PAQR5: variants seen among roughly 807,000 people sequenced by gnomAD.
PAQR5 encodes the protein membrane progestin receptor gamma.
In PAQR5, 20 loss-of-function variants were observed where a neutral mutation model predicts 34.5. The ratio of observed to expected loss-of-function variants is 0.58; its 90% confidence interval spans 0.41 to 0.84. PAQR5 has a LOEUF of 0.84. PAQR5 is among the 40% of genes least tolerant of loss of function. The pLI is 0.00. For missense variants in PAQR5, 378 were observed against 412.7 expected, an observed-to-expected ratio of 0.92 and a Z score of 0.73; for synonymous variants, 131 against 155.6, an observed-to-expected ratio of 0.84 and a Z score of 1.18.
At chr15:69,300,629 C>CT (rs1172669105) in intron 1 of PAQR5, among the ~76,000 whole-genome samples, 1 of 48,574 alleles carries the variant, frequency 2.1e-5, no homozygotes, top group African/African-American at 6.3e-5. Context: ...TTCTTTCTTT[C>CT]TTTCTTTCTT....
At chr15:69,397,613 T>C in intron 7 of PAQR5, 49 bp downstream of exon 7, 1 of 1,229,652 alleles carries the variant, frequency 8.1e-7, no homozygotes, top group Non-Finnish European at 1.2e-6. Context: ...CACCAGGAAG[T>C]CAGTTGTTTT....
chr15:69,397,362 T>C (rs2056472886), intron 6 of PAQR5, 106 bp from the exon 7 acceptor site: 1 of 798,076 alleles, frequency 1.3e-6, no homozygotes, highest in African/African-American at 1.7e-5. Flanking sequence ...AGAAAAATGC[T>C]TGTCCTCTGT....
chr15:69,390,344 A>ATTTTT lies in PAQR5; in HGVS notation c.512+567_512+568insTTTTT, dbSNP rs201375546. Among the ~76,000 whole-genome samples the ATTTTT allele has an allele frequency of 1.3e-3, 149 of 119,030 alleles. 1 individual carries two copies. The highest frequency in any genetic ancestry group is 2.0e-3 in the Non-Finnish European group (106 of 53,308). The allele number at this position is 119,030 out of a possible 152,430, so 78.1% of individuals were successfully genotyped here. A position where few individuals can be genotyped will look rare whatever the true frequency, so the allele number is the denominator to read the frequency against. Reference sequence around the variant, plus strand: ...TTTTTATTTATTTATTTATTTATTTATTTATTTATTTATTTATTTTTTTGA... The same window carrying ATTTTT: ...TTTTTATTTATTTATTTATTTATTTATTTTTTTTATTTATTTATTTATTTTTTTGA... On this transcript the variant is annotated intron_variant, in intron 6 of 8. Transcript: ENST00000395407.
At chr15:69,341,353 C>CCTT (rs1555416070) in intron 2 of PAQR5, among the ~76,000 whole-genome samples, 11 of 117,716 alleles carry the variant, frequency 9.3e-5, no homozygotes, top group African/African-American at 3.5e-4. Context: ...AATTCTATTC[C>CCTT]TTTTTTTTTT....
At chr15:69,337,282 T>A (rs1441840669) in intron 1 of PAQR5, 59 bp from the exon 2 acceptor site, 1 of 152,274 alleles carries the variant, frequency 6.6e-6, no homozygotes, top group African/African-American at 2.4e-5. Context: ...GTATTCTCAA[T>A]TTATGGCAGT....
intron 2 of PAQR5, among the ~76,000 whole-genome samples, chr15:69,340,695 C>T (rs1188595520): frequency 6.6e-6 from 1 of 152,246 alleles, no homozygotes; most frequent in African/African-American, 2.4e-5. Flanking sequence ...ACTCTAGGAC[C>T]CATGCACATG....
chr15:69,403,091 T>C (rs891075827), intron 8 of PAQR5, among the ~76,000 whole-genome samples: 12 of 152,274 alleles, frequency 7.9e-5, no homozygotes, highest in Non-Finnish European at 1.6e-4. Flanking sequence ...GACTCTGAGC[T>C]GATCAGTGCT....
chr15:69,390,165 G>A (rs1430441250), intron 6 of PAQR5, among the ~76,000 whole-genome samples: 2 of 151,884 alleles, frequency 1.3e-5, no homozygotes. Context: ...ACAGGCACCC[G>A]CCATCACGCC....
chr15:69,400,433 C>T (rs2056590008), intron 8 of PAQR5, among the ~76,000 whole-genome samples: 2 of 152,338 alleles, frequency 1.3e-5, no homozygotes, highest in South Asian at 4.1e-4. Context: ...GTGGCTCACA[C>T]ATGTAATCCC....
chr15:69,378,626 C>A (rs1349439770), intron 3 of PAQR5, among the ~76,000 whole-genome samples: 1 of 151,998 alleles, frequency 6.6e-6, no homozygotes, highest in Non-Finnish European at 1.5e-5. Flanking sequence ...GGGTTTGCAA[C>A]TTATTGTGAC....
intron 3 of PAQR5, among the ~76,000 whole-genome samples, chr15:69,361,996 T>C (rs1398107236): frequency 6.6e-6 from 1 of 151,914 alleles, no homozygotes; most frequent in Non-Finnish European, 1.5e-5. Context: ...GTAGAGGTTA[T>C]GGGAGTCTGC....
At chr15:69,387,378 C>A (rs1454315774) in intron 5 of PAQR5, among the ~76,000 whole-genome samples, 1 of 152,246 alleles carries the variant, frequency 6.6e-6, no homozygotes, top group Non-Finnish European at 1.5e-5. Context: ...ATTCCACCAC[C>A]CCTAACTGTT....
intron 1 of PAQR5, among the ~76,000 whole-genome samples, chr15:69,306,165 G>A (rs1342324640): frequency 3.3e-5 from 5 of 152,020 alleles, no homozygotes; most frequent in Non-Finnish European, 5.9e-5. Flanking sequence ...TGGGGTGTGG[G>A]CAGCACCACC....
chr15:69,397,193 C>T (rs936973175), intron 6 of PAQR5: 5 of 567,672 alleles, frequency 8.8e-6, no homozygotes, highest in Admixed American at 6.5e-5. Context: ...AGGGTTTCTG[C>T]CCAGCGCCTC....
intron 1 of PAQR5, among the ~76,000 whole-genome samples, chr15:69,312,936 A>G (rs937227198): frequency 6.6e-6 from 1 of 152,116 alleles, no homozygotes; most frequent in Non-Finnish European, 1.5e-5. Flanking sequence ...TGGGAAGTTC[A>G]CGAACACATG....
chr15:69,321,642 T>C (rs907187170), intron 1 of PAQR5, among the ~76,000 whole-genome samples: 4 of 152,240 alleles, frequency 2.6e-5, no homozygotes, highest in African/African-American at 9.6e-5. Context: ...TTGAAATAAA[T>C]ATCTTTGGAC....
chr15:69,369,540 TA>T (rs753281505), intron 3 of PAQR5, among the ~76,000 whole-genome samples: 766 of 142,308 alleles, frequency 5.4e-3, no homozygotes, highest in Admixed American at 5.4e-3. Flanking sequence ...TGCCTCAAGT[TA>T]AAAAAAAAAA....
chr15:69,309,284 G>A (rs1043741546), intron 1 of PAQR5, among the ~76,000 whole-genome samples: 2 of 152,218 alleles, frequency 1.3e-5, no homozygotes, highest in African/African-American at 4.8e-5. Context: ...ACCGTATGGA[G>A]AATGGTGCTG....
intron 1 of PAQR5, among the ~76,000 whole-genome samples, chr15:69,332,779 T>TAAAAAAAAA: frequency 3.3e-5 from 2 of 59,794 alleles, no homozygotes; most frequent in African/African-American, 7.1e-5. Flanking sequence ...CTAAATCTTG[T>TAAAAAAAAA]AAAAAAAAAA....
Sources: gnomAD v4.1 joint callset for allele counts (sites outside exome capture counted in the v4.1 genomes callset) on GRCh38, gnomAD v4.1.1 for gene constraint, MANE v1.5 for transcripts, NCBI Gene and HGNC (gene_info 2026-07-23, HGNC 2026-07-21) for gene names.